KLHL10: variants seen among roughly 807,000 people sequenced by gnomAD.
KLHL10 encodes kelch-like protein 10.
KLHL10 carries 11 observed loss-of-function variants against 46.6 expected under a neutral mutation model. That is an observed-to-expected ratio of 0.24 (90% CI 0.15 to 0.39). KLHL10 has a LOEUF of 0.39. KLHL10 is among the 10% of genes least tolerant of loss of function. The pLI is 1.00. For missense variants in KLHL10, 475 were observed against 789.8 expected (o/e 0.60, Z 4.78); for synonymous variants, 254 against 279.1 (o/e 0.91, Z 0.90).
At chr17:41,847,231 A>C in intron 3 of KLHL10, 30 bp from the exon 4 acceptor site, 1 of 1,610,664 alleles carries the variant, frequency 6.2e-7, no homozygotes, top group Non-Finnish European at 8.5e-7. Flanking sequence ...TAGAGTGGGA[A>C]TTTTAATAAT....
At chr17:41,837,715 G>T (rs2048180235), upstream of KLHL10, 2 of 1,289,494 alleles carry the variant, frequency 1.6e-6, no homozygotes, top group Admixed American at 2.9e-5. Flanking sequence ...GTAAGGAGGG[G>T]AGAAGGAAGA....
In KLHL10 at chr17:41,845,544, A is replaced by C. The variant is rs1555621281; in HGVS notation, c.1103A>C (p.Gln368Pro). The stretch of plus-strand genomic sequence containing the variant: ...GACCCAGTCAAGAAAACTTGGCATC[A>C]GGTGGCCCCGATGCACTCCAGACGT... ...RFDPVKKTWH[Q>P]VAPMHSRRCY... The change falls in exon 3 of 5, where the codon CAG (glutamine) becomes CCG (proline). Residue 368 changes from glutamine (Q) to proline (P), a missense_variant. Coordinates refer to ENST00000293303, the MANE Select transcript of KLHL10 (RefSeq NM_152467.5). The C allele has an allele frequency of 1.2e-6, 2 of 1,614,248 alleles. No individual in the cohort carries two copies. The highest frequency in any genetic ancestry group is 2.2e-5 in the South Asian group (2 of 91,088).
chr17:41,836,771 G>A (rs1475580446), upstream of KLHL10, among the ~76,000 whole-genome samples: 6 of 151,820 alleles, frequency 4.0e-5, no homozygotes, highest in Non-Finnish European at 7.4e-5. Flanking sequence ...GGCTCCAGTA[G>A]GCCGAGATCA....
rs1555621291 is a variant in KLHL10 at position 41,845,617 on chromosome 17, A to T, written c.1176A>T (p.Gly392=). ...TVLGNFIYAM[G]GFDGYVRLNT... ...TCGGCAATTTTATTTATGCCATGGG[A>T]GGATTTGATGGCTACGTGCGTCTAA... Residue 392 remains glycine, a synonymous_variant, in exon 3 of 5, where the codon GGA becomes GGT. Coordinates refer to ENST00000293303, the MANE Select transcript of KLHL10 (RefSeq NM_152467.5). The T allele has an allele frequency of 6.2e-7, 1 of 1,613,868 alleles. No homozygotes were observed. The highest frequency in any genetic ancestry group is 1.3e-5 in the African/African-American group (1 of 74,916).
intron 1 of KLHL10, 142 bp downstream of exon 1, chr17:41,838,268 A>T (rs1004380140): frequency 1.8e-4 from 120 of 676,810 alleles, no homozygotes; most frequent in Non-Finnish European, 2.3e-4. Context: ...TTAAAAAAAA[A>T]TTTTTTTTTT....
At chr17:41,842,443 G>C in intron 2 of KLHL10, 131 bp downstream of exon 2, 1 of 1,153,996 alleles carries the variant, frequency 8.7e-7, no homozygotes, top group Non-Finnish European at 1.3e-6. Flanking sequence ...CTGGAATTTT[G>C]CAACTGTCTT....
Position 41,838,023 on chromosome 17 carries a change from G to A in KLHL10, c.91G>A (p.Glu31Lys). 1.2e-6 allele frequency: 2 copies of A among 1,614,080 alleles called. No individual in the cohort carries two copies. Among genetic ancestry groups the A allele is most frequent in the Non-Finnish European group, 1.7e-6 (2 of 1,180,002 alleles). Reference protein sequence around the residue: ...MSAMACEIFNELRLEGKLCDV... With the variant: ...MSAMACEIFNKLRLEGKLCDV... ...TGCGATGGCCTGTGAGATCTTCAAC[G>A]AGCTTAGACTAGAGGGCAAGCTCTG... The change falls in exon 1 of 5, where the codon GAG (glutamate) becomes AAG (lysine). Residue 31 changes from glutamate to lysine, a missense_variant. Coordinates refer to ENST00000293303, the MANE Select transcript of KLHL10 (RefSeq NM_152467.5).
upstream of KLHL10, chr17:41,837,658 A>G: frequency 6.1e-6 from 7 of 1,139,996 alleles, no homozygotes; most frequent in Non-Finnish European, 8.1e-6. Context: ...TTTTGGGTTC[A>G]AGGACACAGA....
At chr17:41,837,567 C>T (rs1286513008), upstream of KLHL10, 30 of 1,077,402 alleles carry the variant, frequency 2.8e-5, no homozygotes, top group Non-Finnish European at 3.4e-5. Flanking sequence ...ATGAATGCTC[C>T]AGGGATAGAG....
intron 2 of KLHL10, 109 bp downstream of exon 2, chr17:41,842,421 A>G: frequency 7.5e-7 from 1 of 1,341,334 alleles, no homozygotes; most frequent in Non-Finnish European, 1.1e-6. Context: ...GATAGAAGGC[A>G]TCTACTATTC....
Position 41,841,974 on chromosome 17 carries a change from G to A in KLHL10, c.346G>A (p.Ala116Thr), listed in dbSNP as rs1555620784. The change falls in exon 2 of 5, where the codon GCA becomes ACA. Residue 116 changes from alanine to threonine, a missense_variant. Transcript: ENST00000293303. ...PDNVEKLLAA[A>T]DQFNIMGIVR... ...CAATGTGGAGAAACTGCTTGCTGCT[G>A]CAGACCAGTTTAACATCATGGGTAT... The A allele has an allele frequency of 2.5e-6, 4 of 1,614,200 alleles. No individual in the cohort carries two copies. Among genetic ancestry groups the A allele is most frequent in the South Asian group, 1.1e-5 (1 of 91,082 alleles).
intron 2 of KLHL10, among the ~76,000 whole-genome samples, chr17:41,844,908 C>T (rs1312934513): frequency 3.3e-5 from 5 of 152,088 alleles, no homozygotes; most frequent in African/African-American, 1.2e-4. Flanking sequence ...TGGTCTCAAA[C>T]TCCTGGCCTC....
chr17:41,836,818 C>T (rs1355522013), upstream of KLHL10, among the ~76,000 whole-genome samples: 1 of 152,064 alleles, frequency 6.6e-6, no homozygotes, highest in Non-Finnish European at 1.5e-5. Flanking sequence ...AGATGACACC[C>T]TGTCTCAGAA....
intron 3 of KLHL10, 52 bp from the exon 4 acceptor site, chr17:41,847,209 C>T (rs1202028964): frequency 6.4e-7 from 1 of 1,559,206 alleles, no homozygotes; most frequent in Non-Finnish European, 8.8e-7. Flanking sequence ...CATATCCTTT[C>T]TTTCTACTCC....
intron 2 of KLHL10, among the ~76,000 whole-genome samples, chr17:41,844,819 G>C (rs1402277096): frequency 6.6e-6 from 1 of 152,148 alleles, no homozygotes; most frequent in Non-Finnish European, 1.5e-5. Flanking sequence ...AAAGTGCTGG[G>C]ATTACGGCCG....
At chr17:41,845,845 C>T in intron 3 of KLHL10, 102 bp downstream of exon 3, 2 of 1,390,648 alleles carry the variant, frequency 1.4e-6, no homozygotes, top group Non-Finnish European at 2.0e-6. Flanking sequence ...TGGCAGTATT[C>T]ACTTTGGAGT....
intron 2 of KLHL10, among the ~76,000 whole-genome samples, chr17:41,842,766 C>T (rs1555620886): frequency 6.6e-6 from 1 of 151,020 alleles, no homozygotes; most frequent in African/African-American, 2.4e-5. Context: ...GGTGAAACCC[C>T]ATCTCTGCTA....
At chr17:41,838,845 C>T (rs1031481759) in intron 1 of KLHL10, among the ~76,000 whole-genome samples, 2 of 151,632 alleles carry the variant, frequency 1.3e-5, no homozygotes, top group African/African-American at 2.4e-5. Context: ...CCTGACACCA[C>T]GCCCGGCTAA....
At chr17:41,847,504 G>GA in intron 4 of KLHL10, 94 bp downstream of exon 4, 4 of 1,389,380 alleles carry the variant, frequency 2.9e-6, no homozygotes, top group Non-Finnish European at 4.0e-6. Context: ...GTAAGTATTT[G>GA]AAAAGCTTTT....
Sources: gnomAD v4.1 joint callset for allele counts (sites outside exome capture counted in the v4.1 genomes callset) on GRCh38, gnomAD v4.1.1 for gene constraint, MANE v1.5 for transcripts, NCBI Gene and HGNC (gene_info 2026-07-23, HGNC 2026-07-21) for gene names.